Variants in KIF6 observed in about 807,000 individuals in gnomAD.
The protein encoded by KIF6 is kinesin-like protein KIF6.
KIF6 carries 106 observed loss-of-function variants against 112.7 expected under a neutral mutation model. The observed-to-expected ratio is 0.94, with a 90% CI of 0.80 to 1.11. The LOEUF (loss-of-function observed/expected upper bound fraction) is 1.11. Ranked by LOEUF, KIF6 falls within the 50% of genes least tolerant of loss-of-function variation. KIF6 has a pLI of 0.00. For synonymous variants in KIF6, 339 were observed against 339.9 expected (o/e 1.00, Z 0.03); for missense variants, 929 against 964.0 (o/e 0.96, Z 0.48).
chr6:39,552,265 T>C (rs1442168639), intron 10 of KIF6, among the ~76,000 whole-genome samples: 2 of 152,214 alleles, frequency 1.3e-5, no homozygotes, highest in African/African-American at 4.8e-5. Flanking sequence ...CTTATTTAAG[T>C]GGAAAAAGAG....
At chr6:39,349,879 T>G (rs1176047056) in intron 19 of KIF6, among the ~76,000 whole-genome samples, 2 of 152,090 alleles carry the variant, frequency 1.3e-5, no homozygotes, top group African/African-American at 2.4e-5. Context: ...ACTCCTGACC[T>G]CGTGATCCAC....
At chr6:39,655,474 TTTC>T (rs1446720674) in intron 3 of KIF6, among the ~76,000 whole-genome samples, 3 of 152,146 alleles carry the variant, frequency 2.0e-5, no homozygotes, top group African/African-American at 7.2e-5. Flanking sequence ...GTCAAATTTT[TTTC>T]TTCATTTTTT....
intron 6 of KIF6, among the ~76,000 whole-genome samples, 191 bp downstream of exon 6, chr6:39,612,998 G>T (rs1051311919): frequency 2.6e-5 from 4 of 152,120 alleles, no homozygotes; most frequent in African/African-American, 9.7e-5. Context: ...TAGCTAGCTG[G>T]GTGACCTTGG....
rs1762801985 is a variant in KIF6 at position 39,333,190 on chromosome 6, T to C, written c.*3342A>G. ...CCATATACAGGATGCTCTCAGTGCC[T>C]TTCCACAGGCTGCATGGAGAGACAA... is the stretch of plus-strand genomic sequence containing the variant. On this transcript the variant is annotated 3_prime_UTR_variant, in exon 23 of 23. Coordinates refer to ENST00000287152, the MANE Select transcript of KIF6 (RefSeq NM_145027.6). The C allele has an allele frequency of 6.6e-6, 1 of 152,226 alleles. No homozygotes were observed. 9.4% of individuals were successfully genotyped at this position (152,226 alleles called of 1,614,324 possible).
chr6:39,494,748 A>AT (rs35006316), intron 13 of KIF6, among the ~76,000 whole-genome samples: 1 of 152,192 alleles, frequency 6.6e-6, no homozygotes, highest in Non-Finnish European at 1.5e-5. Context: ...TATTCCCACT[A>AT]TTTTAACCAA....
intron 13 of KIF6, among the ~76,000 whole-genome samples, chr6:39,460,535 G>GTAAAAAAAAAAAAAAAAAAAAAAAAAAAA (rs1773405110): frequency 9.5e-5 from 3 of 31,632 alleles, no homozygotes; most frequent in African/African-American, 2.3e-4. Context: ...AAAAAAAAAA[G>GTAAAAAAAAAAAAAAAAAAAAAAAAAAAA]TAAAAAAAAA....
intron 10 of KIF6, among the ~76,000 whole-genome samples, chr6:39,569,077 T>C (rs966733746): frequency 2.6e-5 from 4 of 152,180 alleles, no homozygotes; most frequent in Non-Finnish European, 5.9e-5. Flanking sequence ...CAGAGTGCAA[T>C]CCGGAGGGCT....
At chr6:39,357,126 A>G in intron 19 of KIF6, 151 bp downstream of exon 19, 3 of 534,408 alleles carry the variant, frequency 5.6e-6, no homozygotes, top group Non-Finnish European at 9.9e-6. Flanking sequence ...CACTGTCTTG[A>G]GTATCTACGA....
chr6:39,609,259 G>T (rs1783069609), intron 6 of KIF6, among the ~76,000 whole-genome samples: 1 of 152,184 alleles, frequency 6.6e-6, no homozygotes, highest in African/African-American at 2.4e-5. Context: ...CAGGCGGAAA[G>T]AAAGCAAGCT....
chr6:39,704,061 A>AT (rs1165818287), intron 3 of KIF6, among the ~76,000 whole-genome samples: 2 of 152,222 alleles, frequency 1.3e-5, no homozygotes, highest in African/African-American at 4.8e-5. Context: ...GAGAAACCAA[A>AT]TCTAAAAAGA....
chr6:39,444,852 T>C (rs1169547394), intron 13 of KIF6, among the ~76,000 whole-genome samples: 1 of 151,786 alleles, frequency 6.6e-6, no homozygotes, highest in Non-Finnish European at 1.5e-5. Context: ...AAGGAAATTT[T>C]TGGAGGGTTG....
intron 13 of KIF6, among the ~76,000 whole-genome samples, chr6:39,529,383 A>G (rs774362510): frequency 5.9e-5 from 9 of 152,356 alleles, no homozygotes; most frequent in Middle Eastern, 3.4e-3. Flanking sequence ...GAATTGGGAG[A>G]AAATATTGTA....
At chr6:39,688,811 T>C (rs1171611722) in intron 3 of KIF6, among the ~76,000 whole-genome samples, 1 of 152,236 alleles carries the variant, frequency 6.6e-6, no homozygotes, top group Non-Finnish European at 1.5e-5. Context: ...ATAAAGATGA[T>C]CTAAGTCTGA....
chr6:39,341,945 T>C (rs187898597), intron 22 of KIF6, among the ~76,000 whole-genome samples: 2 of 152,360 alleles, frequency 1.3e-5, no homozygotes, highest in Admixed American at 6.5e-5. Context: ...GTGAGCTTTT[T>C]AAAGCATCAA....
Position 39,540,158 on chromosome 6 carries a change from C to A in KIF6, c.1490G>T (p.Gly497Val), listed in dbSNP as rs765089235. Residue 497 changes from glycine (G) to valine (V), a missense_variant, in exon 13 of 23, where the codon GGC becomes GTC. This residue lies in a region of KIF6 where 688 missense variants were observed against 662.7 expected (regional missense o/e 1.04). Transcript: ENST00000287152. Reference protein sequence around the residue: ...KKAQEALHLAGMDRREFRQSQ... With the variant: ...KKAQEALHLAVMDRREFRQSQ... The stretch of plus-strand genomic sequence containing the variant: ...CTGTCTGAATTCACGTCTATCCATG[C>A]CAGCCAAGTGGAGAGCCTCCTGAGC... The A allele has an allele frequency of 4.3e-6, 7 of 1,614,000 alleles. No homozygotes were observed. In the African/African-American group the frequency reaches 9.3e-5, roughly 22 times the overall value.
intron 10 of KIF6, among the ~76,000 whole-genome samples, chr6:39,575,506 G>A (rs1012511671): frequency 4.6e-5 from 7 of 152,144 alleles, no homozygotes; most frequent in Non-Finnish European, 7.4e-5. Context: ...TCCTGACTTT[G>A]TGATCCGCCC....
chr6:39,348,582 C>A (rs913591354), intron 19 of KIF6, among the ~76,000 whole-genome samples: 1 of 152,080 alleles, frequency 6.6e-6, no homozygotes, highest in Non-Finnish European at 1.5e-5. Flanking sequence ...CCTTTGACAC[C>A]GAATTAATTT....
At chr6:39,366,126 C>T (rs1765538151) in intron 16 of KIF6, among the ~76,000 whole-genome samples, 1 of 152,208 alleles carries the variant, frequency 6.6e-6, no homozygotes, top group Non-Finnish European at 1.5e-5. Flanking sequence ...GCAAGGAGCA[C>T]ATTCTGAATG....
intron 9 of KIF6, among the ~76,000 whole-genome samples, chr6:39,582,081 T>G (rs1781329674): frequency 1.3e-5 from 2 of 152,214 alleles, no homozygotes; most frequent in African/African-American, 4.8e-5. Flanking sequence ...ATGAAAATCC[T>G]GAGATAGTAA....
Sources: allele counts gnomAD v4.1 joint callset (sites outside exome capture counted in the v4.1 genomes callset), GRCh38; gene constraint gnomAD v4.1.1; regional missense constraint gnomAD v4.1.1; transcripts MANE v1.5; gene names NCBI Gene and HGNC (gene_info 2026-07-23, HGNC 2026-07-21).